CFAP70: variants seen among roughly 807,000 people sequenced by gnomAD.
CFAP70 encodes the protein cilia and flagella associated protein 70.
CFAP70 carries 81 observed loss-of-function variants against 137.6 expected under a neutral mutation model. The ratio of observed to expected loss-of-function variants is 0.59; its 90% CI spans 0.49 to 0.71. The LOEUF is 0.71. Among genes scored for constraint, CFAP70 ranks in the 30% least tolerant of loss-of-function variants. CFAP70 has a pLI of 0.00. For missense variants in CFAP70, 976 were observed against 1,226.7 expected, an observed-to-expected ratio of 0.80 and a Z score of 3.05; for synonymous variants, 382 against 423.6, an observed-to-expected ratio of 0.90 and a Z score of 1.20.
In CFAP70 at chr10:73,256,449, A is replaced by G. The variant is rs150850762; in HGVS notation, c.3028-33T>C. Reference sequence around the variant, plus strand: ...AAGTGCAGCAGTTGGTGATGATGACAGGTCATAAACATTATGGTAAGGAAA... The same window carrying G: ...AAGTGCAGCAGTTGGTGATGATGACGGGTCATAAACATTATGGTAAGGAAA... On this transcript the variant is annotated intron_variant, in intron 25 of 26. Transcript: ENST00000310715. The G allele has an allele frequency of 3.2e-3, 5,201 of 1,613,632 alleles. 18 individuals carry two copies. Among genetic ancestry groups the G allele is most frequent in the Non-Finnish European group, 4.0e-3 (4,714 of 1,179,594 alleles).
At chr10:73,356,130 T>C (rs2054658267) in intron 1 of CFAP70, among the ~76,000 whole-genome samples, 1 of 152,132 alleles carries the variant, frequency 6.6e-6, no homozygotes, top group Non-Finnish European at 1.5e-5. Context: ...AATTTTACAA[T>C]ACTAAGGGCA....
chr10:73,290,080 A>G (rs573486237), intron 19 of CFAP70, among the ~76,000 whole-genome samples: 5 of 151,480 alleles, frequency 3.3e-5, no homozygotes, highest in African/African-American at 7.3e-5. Context: ...ATGAATGTCC[A>G]TAGTAGTTTT....
At chr10:73,292,604 G>A (rs537458115) in intron 16 of CFAP70, among the ~76,000 whole-genome samples, 16 of 152,192 alleles carry the variant, frequency 1.1e-4, no homozygotes, top group South Asian at 2.1e-4. Context: ...CAGAATTACC[G>A]TATGTCTCAG....
intron 11 of CFAP70, 102 bp downstream of exon 12, chr10:73,311,732 T>C (rs1564823504): frequency 2.1e-6 from 2 of 953,366 alleles, no homozygotes; most frequent in Non-Finnish European, 3.3e-6. Flanking sequence ...AAATATGGAA[T>C]GATAACTAAC....
chr10:73,316,489 T>TATATAG (rs2030794369), intron 9 of CFAP70, among the ~76,000 whole-genome samples: 1 of 103,964 alleles, frequency 9.6e-6, no homozygotes, highest in African/African-American at 3.8e-5. Context: ...TAGATATAGA[T>TATATAG]ATATATATAT....
chr10:73,260,818 C>T (rs535831144), intron 25 of CFAP70, among the ~76,000 whole-genome samples: 9 of 152,276 alleles, frequency 5.9e-5, no homozygotes, highest in African/African-American at 1.9e-4. Context: ...AGTAGTACTC[C>T]ATTGTATAAA....
At chr10:73,298,837 T>C in intron 14 of CFAP70, 70 bp downstream of exon 15, 1 of 1,383,770 alleles carries the variant, frequency 7.2e-7, no homozygotes, top group Non-Finnish European at 1.0e-6. Flanking sequence ...GAGGAGAAAA[T>C]GTGATGTGGG....
At chr10:73,356,681 A>G (rs755773189) in intron 1 of CFAP70, among the ~76,000 whole-genome samples, 3 of 152,230 alleles carry the variant, frequency 2.0e-5, no homozygotes, top group Non-Finnish European at 2.9e-5. Flanking sequence ...TTTGTTCAAC[A>G]ACATATTTCT....
intron 15 of CFAP70, 46 bp from the exon 17 acceptor site, chr10:73,293,434 A>C (rs1369562120): frequency 5.3e-6 from 8 of 1,515,232 alleles, no homozygotes; most frequent in Non-Finnish European, 7.1e-6. Context: ...AAACAATTAC[A>C]AGTAGAGAGG....
chr10:73,338,437 T>TTC, intron 6 of CFAP70, among the ~76,000 whole-genome samples: 1 of 149,546 alleles, frequency 6.7e-6, no homozygotes, highest in East Asian at 1.9e-4. Context: ...AATCTCTTTT[T>TTC]TTTTTTTTTT....
In CFAP70 at chr10:73,301,037, G is replaced by A. The variant is rs2048912400; in HGVS notation, c.1257-1372C>T. ...ATAAACAAACAAGATAAATATGCTA[G>A]TAATATGTCCCATAGAGAAAAATAA... On this transcript the variant is annotated intron_variant, in intron 12 of 26. Coordinates refer to ENST00000310715, the Ensembl canonical transcript of CFAP70. 2.0e-5 allele frequency among the ~76,000 whole-genome samples: 3 copies of A among 152,288 alleles called. No homozygotes were observed. In the South Asian group the frequency reaches 6.2e-4, roughly 32 times the overall value.
At chr10:73,293,498 T>C (rs1185035835) in intron 15 of CFAP70, 110 bp from the exon 17 acceptor site, 14 of 936,670 alleles carry the variant, frequency 1.5e-5, no homozygotes, top group Non-Finnish European at 2.1e-5. Context: ...AAAATGTTAC[T>C]GATTGATGTC....
At chr10:73,305,713 A>G (rs2132039636) in intron 12 of CFAP70, among the ~76,000 whole-genome samples, 1 of 152,362 alleles carries the variant, frequency 6.6e-6, no homozygotes, top group South Asian at 2.1e-4. Flanking sequence ...TAGCGAAGGG[A>G]AAAGTTTGAT....
chr10:73,292,219 A>G, intron 16 of CFAP70, among the ~76,000 whole-genome samples: 1 of 152,200 alleles, frequency 6.6e-6, no homozygotes, highest in Non-Finnish European at 1.5e-5. Flanking sequence ...TAATATAATT[A>G]AAAATTTGAA....
intron 23 of CFAP70, among the ~76,000 whole-genome samples, chr10:73,274,107 C>A (rs1324762687): frequency 6.6e-6 from 1 of 152,144 alleles, no homozygotes; most frequent in Non-Finnish European, 1.5e-5. Context: ...CCTTTTGAAG[C>A]CCATGATACC....
chr10:73,281,961 G>A (rs996826113), intron 19 of CFAP70, among the ~76,000 whole-genome samples: 8 of 152,188 alleles, frequency 5.3e-5, no homozygotes, highest in African/African-American at 1.9e-4. Flanking sequence ...TGGACATACC[G>A]ACGTGATTCT....
At chr10:73,304,320 C>T (rs2049201867) in intron 12 of CFAP70, among the ~76,000 whole-genome samples, 1 of 152,142 alleles carries the variant, frequency 6.6e-6, no homozygotes, top group Non-Finnish European at 1.5e-5. Flanking sequence ...TCTCAAAGGG[C>T]TGGGATTACA....
intron 8 of CFAP70, among the ~76,000 whole-genome samples, chr10:73,330,492 T>G (rs192985925): frequency 6.6e-6 from 1 of 151,114 alleles, no homozygotes; most frequent in Non-Finnish European, 1.5e-5. Context: ...AGATAATATG[T>G]AGTTTTGAAA....
In CFAP70 at chr10:73,297,188, G is replaced by C; in HGVS notation, c.1513-15C>G. The C allele has an allele frequency of 6.2e-7, 1 of 1,608,656 alleles. No individual in the cohort carries two copies. Among genetic ancestry groups the C allele is most frequent in the Non-Finnish European group, 8.5e-7 (1 of 1,177,446 alleles). On this transcript the variant is annotated splice_polypyrimidine_tract_variant and intron_variant, in intron 14 of 26. Coordinates refer to ENST00000310715, the Ensembl canonical transcript of CFAP70. ...ACCACAGCATGCTGCAAGACACACAGATCACCCATCTGATAATACAGTCCA... is the reference window on the plus strand; with the variant it reads ...ACCACAGCATGCTGCAAGACACACACATCACCCATCTGATAATACAGTCCA...
Sources: allele counts gnomAD v4.1 joint callset (sites outside exome capture counted in the v4.1 genomes callset), GRCh38; gene constraint gnomAD v4.1.1; transcripts MANE v1.5; gene names NCBI Gene and HGNC (gene_info 2026-07-23, HGNC 2026-07-21).